OR5AS1: variants seen among roughly 807,000 people sequenced by gnomAD.
OR5AS1 encodes olfactory receptor family 5 subfamily AS member 1.
For missense variants in OR5AS1, 492 were observed against 378.2 expected (o/e 1.30, Z -2.50); for synonymous variants, 196 against 141.7 (o/e 1.38, Z -2.72).
chr11:56,031,084 C>T lies in OR5AS1; in HGVS notation c.666C>T (p.Leu222=). Reference sequence around the variant, plus strand: ...TATTTATTTCTTACTTCTGCATCCTCATCACTGTGTTGAGCATCAAGTCCT... The same window carrying T: ...TATTTATTTCTTACTTCTGCATCCTTATCACTGTGTTGAGCATCAAGTCCT... ...VVIFISYFCI[L]ITVLSIKSSG... The change falls in exon 2 of 2, where the codon CTC becomes CTT. Residue 222 remains leucine, a synonymous_variant. Coordinates refer to ENST00000641320, the MANE Select transcript of OR5AS1 (RefSeq NM_001001921.2). 6.2e-7 allele frequency: 1 copy of T among 1,614,064 alleles called. No individual in the cohort carries two copies. The highest frequency in any genetic ancestry group is 1.7e-5 in the Admixed American group (1 of 60,026).
At position 56,030,971 on chromosome 11, in the gene OR5AS1, C is replaced by T. The variant is rs1344165752; in HGVS notation, c.553C>T (p.Leu185=). The change falls in exon 2 of 2, where the codon CTG becomes TTG. Residue 185 remains leucine, a synonymous_variant. Transcript: ENST00000641320. ...NHFFCDIPPL[L]ALSCTDTQIN... ...TTTTTTCTGTGATATCCCACCTCTT[C>T]TGGCTTTATCATGTACAGACACTCA... 1.2e-6 allele frequency: 2 copies of T among 1,614,146 alleles called. No homozygotes were observed. The highest frequency in any genetic ancestry group is 1.7e-6 in the Non-Finnish European group (2 of 1,180,022).
At position 56,030,398 on chromosome 11, in the gene OR5AS1, G is replaced by A. The variant is rs766137120; in HGVS notation, c.-21G>A. The A allele has an allele frequency of 1.4e-6, 2 of 1,429,402 alleles. No individual in the cohort carries two copies. The highest frequency in any genetic ancestry group is 2.5e-5 in the Admixed American group (1 of 39,676). The allele number at this position is 1,429,402 out of a possible 1,614,324, so 88.5% of individuals were successfully genotyped here. A position where few individuals can be genotyped will look rare whatever the true frequency, so the allele number is the denominator to read the frequency against. On this transcript the variant is annotated 5_prime_UTR_variant, in exon 2 of 2. Coordinates refer to ENST00000641320, the MANE Select transcript of OR5AS1 (RefSeq NM_001001921.2). ...TCTGCTGATACTACCTAGGTCCAGT[G>A]GGAAAAACAAGAAAACTAAGATGTT...
chr11:56,028,555 A>G (rs373470820), intron 1 of OR5AS1, among the ~76,000 whole-genome samples: 1 of 152,100 alleles, frequency 6.6e-6, no homozygotes, highest in East Asian at 1.9e-4. Context: ...TTGTCAAATG[A>G]GATTTCCCTA....
chr11:56,031,384 C>A lies in OR5AS1; in HGVS notation c.966C>A (p.Val322=). ...GGTATTTAAATCGTTTAAGAATAGT[C>A]AATATCTAACTTACCCTTCCAATCT... is the stretch of plus-strand genomic sequence containing the variant. ...NEWYLNRLRI[V]NI The change falls in exon 2 of 2, where the codon GTC becomes GTA. Residue 322 remains valine (V), a synonymous_variant. Transcript: ENST00000641320. The A allele has an allele frequency of 2.0e-6, 3 of 1,508,590 alleles. No homozygotes were observed. The highest frequency in any genetic ancestry group is 1.3e-5 in the South Asian group (1 of 79,390). 93.5% of individuals were successfully genotyped at this position (1,508,590 alleles called of 1,614,324 possible).
At position 56,030,542 on chromosome 11, in the gene OR5AS1, A is replaced by G; in HGVS notation, c.124A>G (p.Asn42Asp). The G allele has an allele frequency of 1.3e-6, 2 of 1,558,684 alleles. No homozygotes were observed. Among genetic ancestry groups the G allele is most frequent in the Non-Finnish European group, 8.7e-7 (1 of 1,149,548 alleles). Residue 42 changes from asparagine to aspartate, a missense_variant, in exon 2 of 2, where the codon AAT becomes GAT. Asn to Asp is a conservative substitution (Grantham distance 23). Transcript: ENST00000641320. ...LLVYTLTMVG[N>D]ILLIILVNIN... ...GGTATATACATTAACTATGGTCGGA[A>G]ATATACTCTTAATAATTCTAGTTAA...
At position 56,031,052 on chromosome 11, in the gene OR5AS1, G is replaced by T; in HGVS notation, c.634G>T (p.Val212Leu). 6.2e-7 allele frequency: 1 copy of T among 1,614,058 alleles called. No individual in the cohort carries two copies. Among genetic ancestry groups the T allele is most frequent in the Non-Finnish European group, 8.5e-7 (1 of 1,180,008 alleles). Residue 212 changes from valine (V) to leucine (L), a missense_variant, in exon 2 of 2, where the codon GTG (valine) becomes TTG (leucine). Physicochemically the swap from Val to Leu is conservative, Grantham distance 32 (BLOSUM62 1). Coordinates refer to ENST00000641320, the MANE Select transcript of OR5AS1 (RefSeq NM_001001921.2). ...LCSFIQTSTF[V>L]VIFISYFCIL... ...CAGCTTCATCCAGACCAGCACTTTT[G>T]TGGTAATATTTATTTCTTACTTCTG...
chr11:56,031,321 C>T lies in OR5AS1; in HGVS notation c.903C>T (p.Leu301=), dbSNP rs1289584129. 1 of 1,597,286 alleles carries T rather than the reference C, an allele frequency of 6.3e-7. No individual in the cohort carries two copies. The highest frequency in any genetic ancestry group is 8.5e-7 in the Non-Finnish European group (1 of 1,172,236). The change falls in exon 2 of 2, where the codon CTC becomes CTT. Residue 301 remains leucine (L), a synonymous_variant. Transcript: ENST00000641320. ...GAAACAAGGATGTGAAAAATGCTCT[C>T]AAAAAGCTATTAGAAAGAATTGGAT... is the stretch of plus-strand genomic sequence containing the variant. ...SFRNKDVKNA[L]KKLLERIGYS... is the part of the protein sequence containing the mutation.
chr11:56,036,744 G>A lies in OR5AS1; in HGVS notation c.*5351G>A, dbSNP rs981897954. 1 of 152,058 alleles carries A rather than the reference G, an allele frequency of 6.6e-6. No individual in the cohort carries two copies. The highest frequency in any genetic ancestry group is 1.5e-5 in the Non-Finnish European group (1 of 68,038). 9.4% of individuals were successfully genotyped at this position (152,058 alleles called of 1,614,324 possible). A position where few individuals can be genotyped will look rare whatever the true frequency, so the allele number is the denominator to read the frequency against. On this transcript the variant is annotated 3_prime_UTR_variant, in exon 2 of 2. Transcript: ENST00000641320. ...GAAACTATTCCAAGCAATAGAAAAC[G>A]AGAGGCTCCTCCCTAACTCATTTTA...
Position 56,030,984 on chromosome 11 carries a change from G to A in OR5AS1, c.566G>A (p.Cys189Tyr), listed in dbSNP as rs755072919. The A allele has an allele frequency of 2.4e-5, 39 of 1,614,130 alleles. No individual in the cohort carries two copies. The highest frequency in any genetic ancestry group is 3.1e-5 in the Non-Finnish European group (37 of 1,180,006). The change falls in exon 2 of 2, where the codon TGT becomes TAT. Residue 189 changes from cysteine (C) to tyrosine (Y), a missense_variant. Transcript: ENST00000641320. ...ATCCCACCTCTTCTGGCTTTATCATGTACAGACACTCAGATCAACCAGCTT... is the reference window on the plus strand; with the variant it reads ...ATCCCACCTCTTCTGGCTTTATCATATACAGACACTCAGATCAACCAGCTT... The part of the protein sequence containing the change: ...CDIPPLLALS[C>Y]TDTQINQLLL...
Position 56,030,512 on chromosome 11 carries a change from C to A in OR5AS1, c.94C>A (p.Leu32Ile). ...PLRVTLFLVF[L>I]LVYTLTMVGN... ...CAGAGTCACACTGTTCTTGGTATTCCTTCTGGTATATACATTAACTATGGT... is the reference window on the plus strand; with the variant it reads ...CAGAGTCACACTGTTCTTGGTATTCATTCTGGTATATACATTAACTATGGT... The change falls in exon 2 of 2, where the codon CTT becomes ATT. Residue 32 changes from leucine (L) to isoleucine (I), a missense_variant. Physicochemically the swap from Leu to Ile is conservative, Grantham distance 5. Coordinates refer to ENST00000641320, the MANE Select transcript of OR5AS1 (RefSeq NM_001001921.2). The A allele has an allele frequency of 6.5e-7, 1 of 1,543,574 alleles. No individual in the cohort carries two copies. The highest frequency in any genetic ancestry group is 8.8e-7 in the Non-Finnish European group (1 of 1,142,368).
chr11:56,038,029 C>G lies in OR5AS1; in HGVS notation c.*6636C>G, dbSNP rs1009203403. The G allele has an allele frequency of 1.3e-5, 2 of 152,130 alleles. No individual in the cohort carries two copies. Among genetic ancestry groups the G allele is most frequent in the Non-Finnish European group, 2.9e-5 (2 of 68,034 alleles). 9.4% of individuals were successfully genotyped at this position (152,130 alleles called of 1,614,324 possible). On this transcript the variant is annotated 3_prime_UTR_variant, in exon 2 of 2. Transcript: ENST00000641320. The stretch of plus-strand genomic sequence containing the variant: ...AAACAAGCAATGAGGAAAGGATTCC[C>G]TATTTAATAAATGGTGTTGGGAAAA...
In OR5AS1 at chr11:56,033,964, CA is replaced by C. The variant is rs1468983053; in HGVS notation, c.*2572del. Reference sequence around the variant, plus strand: ...AATCTTTACTGTTCTGCAGCCTTCGCAGGCAAACAGGGTCTGGAGTGGATCT... The same window carrying C: ...AATCTTTACTGTTCTGCAGCCTTCGCGGCAAACAGGGTCTGGAGTGGATCT... On this transcript the variant is annotated 3_prime_UTR_variant, in exon 2 of 2. Transcript: ENST00000641320. The C allele has an allele frequency of 6.6e-6, 1 of 152,264 alleles. No homozygotes were observed. The highest frequency in any genetic ancestry group is 1.5e-5 in the Non-Finnish European group (1 of 68,208). 9.4% of individuals were successfully genotyped at this position (152,264 alleles called of 1,614,324 possible).
In OR5AS1 at chr11:56,030,436, C is replaced by T. The variant is rs748937695; in HGVS notation, c.18C>T (p.Tyr6=). 1.6e-5 allele frequency: 24 copies of T among 1,485,120 alleles called. No individual in the cohort carries two copies. In the African/African-American group the frequency reaches 2.9e-4, roughly 18 times the overall value. 92.0% of individuals were successfully genotyped at this position (1,485,120 alleles called of 1,614,324 possible). MLESN[Y]TMPTEFLFVG... Reference sequence around the variant, plus strand: ...AAACTAAGATGTTGGAGAGTAATTACACCATGCCAACTGAGTTCCTATTTG... The same window carrying T: ...AAACTAAGATGTTGGAGAGTAATTATACCATGCCAACTGAGTTCCTATTTG... Residue 6 remains tyrosine (Y), a synonymous_variant, in exon 2 of 2, where the codon TAC becomes TAT. Coordinates refer to ENST00000641320, the MANE Select transcript of OR5AS1 (RefSeq NM_001001921.2).
At chr11:56,028,710 G>A (rs1362765558) in intron 1 of OR5AS1, among the ~76,000 whole-genome samples, 3 of 152,010 alleles carry the variant, frequency 2.0e-5, no homozygotes, top group East Asian at 1.9e-4. Context: ...CCTTTAAATC[G>A]TTTTGTAGTT....
intron 1 of OR5AS1, 107 bp from the exon 2 acceptor site, chr11:56,030,284 T>A: frequency 2.2e-6 from 1 of 452,316 alleles, no homozygotes; most frequent in Non-Finnish European, 3.8e-6. Context: ...AAAAATGACA[T>A]CTCTGTGATT....
Position 56,035,226 on chromosome 11 carries a change from C to T in OR5AS1, c.*3833C>T, listed in dbSNP as rs1853392210. The T allele has an allele frequency of 6.6e-6, 1 of 152,078 alleles. No homozygotes were observed. Among genetic ancestry groups the T allele is most frequent in the Non-Finnish European group, 1.5e-5 (1 of 68,028 alleles). The allele number at this position is 152,078 out of a possible 1,614,324, so 9.4% of individuals were successfully genotyped here. Reference sequence around the variant, plus strand: ...CACATCAGCTAATGGGCAAAATAACCAGCTAGCATCATAATGACAGGATCA... The same window carrying T: ...CACATCAGCTAATGGGCAAAATAACTAGCTAGCATCATAATGACAGGATCA... On this transcript the variant is annotated 3_prime_UTR_variant, in exon 2 of 2. Transcript: ENST00000641320.
chr11:56,027,879 C>T (rs553596777), intron 1 of OR5AS1, among the ~76,000 whole-genome samples, 167 bp downstream of exon 1: 29 of 151,018 alleles, frequency 1.9e-4, no homozygotes, highest in African/African-American at 2.7e-4. Context: ...GGGCAGAAGA[C>T]GGTGGTAGCA....
Position 56,031,324 on chromosome 11 carries a change from A to G in OR5AS1, c.906A>G (p.Lys302=), listed in dbSNP as rs1853349165. The G allele has an allele frequency of 1.3e-6, 2 of 1,597,422 alleles. No individual in the cohort carries two copies. Among genetic ancestry groups the G allele is most frequent in the Non-Finnish European group, 1.7e-6 (2 of 1,171,972 alleles). Residue 302 remains lysine, a synonymous_variant, in exon 2 of 2, where the codon AAA becomes AAG. Transcript: ENST00000641320. ...FRNKDVKNAL[K]KLLERIGYSN... Reference sequence around the variant, plus strand: ...ACAAGGATGTGAAAAATGCTCTCAAAAAGCTATTAGAAAGAATTGGATATT... The same window carrying G: ...ACAAGGATGTGAAAAATGCTCTCAAGAAGCTATTAGAAAGAATTGGATATT...
chr11:56,030,542 A>T lies in OR5AS1; in HGVS notation c.124A>T (p.Asn42Tyr). The T allele has an allele frequency of 6.4e-7, 1 of 1,558,684 alleles. No homozygotes were observed. ...LLVYTLTMVG[N>Y]ILLIILVNIN... ...GGTATATACATTAACTATGGTCGGA[A>T]ATATACTCTTAATAATTCTAGTTAA... is the stretch of plus-strand genomic sequence containing the variant. Residue 42 changes from asparagine (N) to tyrosine (Y), a missense_variant, in exon 2 of 2, where the codon AAT (asparagine) becomes TAT (tyrosine). By Grantham distance (143) the Asn-to-Tyr change is moderately radical. Transcript: ENST00000641320.
Sources: gnomAD v4.1 joint callset for allele counts (sites outside exome capture counted in the v4.1 genomes callset) on GRCh38, gnomAD v4.1.1 for gene constraint, MANE v1.5 for transcripts, NCBI Gene and HGNC (gene_info 2026-07-23, HGNC 2026-07-21) for gene names.